TEAD1: variants seen among roughly 807,000 people sequenced by gnomAD.
The protein encoded by TEAD1 is transcriptional enhancer factor TEF-1.
In TEAD1, 9 loss-of-function variants were observed where a neutral mutation model predicts 54.9. The observed-to-expected ratio is 0.16, with a 90% CI of 0.10 to 0.29. TEAD1 has a LOEUF of 0.29. Among genes scored for constraint, TEAD1 ranks in the 10% least tolerant of loss-of-function variants. The pLI is 1.00. For missense variants in TEAD1, 387 were observed against 535.9 expected (o/e 0.72, Z 2.74); for synonymous variants, 200 against 187.8 (o/e 1.07, Z -0.53).
intron 10 of TEAD1, among the ~76,000 whole-genome samples, chr11:12,910,946 C>CCCCAACCAG (rs1554948808): frequency 2.0e-5 from 3 of 152,094 alleles, no homozygotes; most frequent in Non-Finnish European, 4.4e-5. Context: ...GGGGTTTCGC[C>CCCCAACCAG]ATGTTGGCCA....
intron 3 of TEAD1, among the ~76,000 whole-genome samples, chr11:12,816,717 AT>A (rs574556886): frequency 6.6e-6 from 1 of 152,184 alleles, no homozygotes; most frequent in African/African-American, 2.4e-5. Flanking sequence ...GTGGCTATTT[AT>A]TTAGCACATC....
At chr11:12,790,738 T>A (rs112575730) in intron 3 of TEAD1, among the ~76,000 whole-genome samples, 294 of 152,330 alleles carry the variant, frequency 1.9e-3, no homozygotes, top group African/African-American at 6.3e-3. Context: ...AAAGAAGGTG[T>A]ATAAATAGTC....
intron 12 of TEAD1, among the ~76,000 whole-genome samples, chr11:12,935,767 T>C (rs1334152616): frequency 6.6e-6 from 1 of 152,262 alleles, no homozygotes; most frequent in South Asian, 2.1e-4. Flanking sequence ...CCAGCAAATA[T>C]TTATTAAATG....
At chr11:12,913,148 T>G (rs115434363) in intron 10 of TEAD1, among the ~76,000 whole-genome samples, 2,518 of 152,254 alleles carry the variant, frequency 0.017, 79 homozygotes, top group African/African-American at 0.057. Flanking sequence ...AACTGGACAC[T>G]TCAGGGATCT....
At chr11:12,804,658 G>C (rs1243162161) in intron 3 of TEAD1, among the ~76,000 whole-genome samples, 1 of 152,200 alleles carries the variant, frequency 6.6e-6, no homozygotes, top group East Asian at 1.9e-4. Flanking sequence ...GGAGTGTGCA[G>C]ATAGAGGAGG....
At chr11:12,727,128 T>C (rs1395574958) in intron 2 of TEAD1, among the ~76,000 whole-genome samples, 1 of 152,140 alleles carries the variant, frequency 6.6e-6, no homozygotes, top group Non-Finnish European at 1.5e-5. Context: ...TAGTCCCAGC[T>C]ACTTGGGAAG....
At chr11:12,790,271 C>T (rs1253518047) in intron 3 of TEAD1, among the ~76,000 whole-genome samples, 1 of 152,242 alleles carries the variant, frequency 6.6e-6, no homozygotes, top group Non-Finnish European at 1.5e-5. Context: ...GACTGTGATA[C>T]TTGGACATGG....
intron 2 of TEAD1, among the ~76,000 whole-genome samples, chr11:12,739,689 C>G (rs890825983): frequency 7.9e-5 from 12 of 152,188 alleles, no homozygotes; most frequent in South Asian, 2.1e-4. Context: ...ATTCACTGAT[C>G]AACACATTAA....
intron 10 of TEAD1, among the ~76,000 whole-genome samples, chr11:12,918,144 A>AG (rs1221904871): frequency 6.6e-6 from 1 of 151,980 alleles, no homozygotes; most frequent in Non-Finnish European, 1.5e-5. Context: ...TTCAGTTGGG[A>AG]GGGGGGACGT....
chr11:12,896,871 A>G (rs1045600309), intron 9 of TEAD1, among the ~76,000 whole-genome samples: 5 of 152,184 alleles, frequency 3.3e-5, no homozygotes, highest in Non-Finnish European at 2.9e-5. Context: ...AGTGCCTGGC[A>G]TGTATGATGG....
chr11:12,775,030 A>T lies in TEAD1; in HGVS notation c.202+10596A>T, dbSNP rs147452341. 1.8e-3 allele frequency among the ~76,000 whole-genome samples: 281 copies of T among 152,296 alleles called. 5 individuals are homozygous for T. The East Asian group carries it at 0.021, about 11-fold the overall frequency. On this transcript the variant is annotated intron_variant, in intron 3 of 12. Coordinates refer to ENST00000527636, the MANE Select transcript of TEAD1 (RefSeq NM_021961.6). ...TACCCCTGAACTTAAAAGTCAAAAAAAAGGAAGTTATATCATATTTTAAAA... is the reference window on the plus strand; with the variant it reads ...TACCCCTGAACTTAAAAGTCAAAAATAAGGAAGTTATATCATATTTTAAAA...
chr11:12,930,867 T>A (rs1949001013), intron 12 of TEAD1, among the ~76,000 whole-genome samples: 1 of 152,200 alleles, frequency 6.6e-6, no homozygotes, highest in Admixed American at 6.5e-5. Context: ...GTTACATGCA[T>A]TAAGGCAGGA....
intron 5 of TEAD1, among the ~76,000 whole-genome samples, chr11:12,872,744 A>G (rs1473165366): frequency 6.6e-6 from 1 of 152,230 alleles, no homozygotes; most frequent in African/African-American, 2.4e-5. Context: ...CAACTTAGAT[A>G]ATGCCCTAGA....
intron 3 of TEAD1, among the ~76,000 whole-genome samples, chr11:12,793,289 T>C (rs1181257056): frequency 1.3e-5 from 2 of 152,212 alleles, no homozygotes; most frequent in Non-Finnish European, 2.9e-5. Flanking sequence ...AGTTAAAGGA[T>C]AGATATTTTT....
At chr11:12,718,742 T>A (rs1232299966) in intron 2 of TEAD1, among the ~76,000 whole-genome samples, 2 of 152,178 alleles carry the variant, frequency 1.3e-5, no homozygotes, top group African/African-American at 4.8e-5. Flanking sequence ...TTAAGTGCAG[T>A]CCAAGGCCAG....
At chr11:12,769,211 T>G (rs1945268014) in intron 3 of TEAD1, among the ~76,000 whole-genome samples, 1 of 152,126 alleles carries the variant, frequency 6.6e-6, no homozygotes, top group African/African-American at 2.4e-5. Context: ...AGACCTGAAT[T>G]GTGAGGACCA....
intron 3 of TEAD1, among the ~76,000 whole-genome samples, chr11:12,784,364 T>C (rs1945630919): frequency 6.6e-6 from 1 of 152,156 alleles, no homozygotes; most frequent in Non-Finnish European, 1.5e-5. Flanking sequence ...CAGCAGGCAC[T>C]GGGCAATTCA....
At chr11:12,833,916 C>T (rs1203756493) in intron 3 of TEAD1, among the ~76,000 whole-genome samples, 1 of 152,136 alleles carries the variant, frequency 6.6e-6, no homozygotes, top group East Asian at 1.9e-4. Context: ...TGCTTATTTC[C>T]CCAACTAGAC....
At chr11:12,857,056 G>C (rs1947398683) in intron 3 of TEAD1, among the ~76,000 whole-genome samples, 1 of 152,118 alleles carries the variant, frequency 6.6e-6, no homozygotes, top group Non-Finnish European at 1.5e-5. Context: ...CTTCTATCTG[G>C]TAAGGCAAGC....
Sources: gnomAD v4.1 joint callset for allele counts (sites outside exome capture counted in the v4.1 genomes callset) on GRCh38, gnomAD v4.1.1 for gene constraint, MANE v1.5 for transcripts, NCBI Gene and HGNC (gene_info 2026-07-23, HGNC 2026-07-21) for gene names.